The following METTL24 variants were observed in gnomAD, a reference collection of about 807,000 sequenced individuals.
The protein encoded by METTL24 is probable methyltransferase-like protein 24.
Under a neutral mutation model 32.7 loss-of-function variants are expected in METTL24, and 29 were observed. That is an observed-to-expected ratio of 0.89 (90% confidence interval 0.66 to 1.21). METTL24 has a LOEUF of 1.21. METTL24 is among the 50% of genes most tolerant of loss of function. The probability of loss-of-function intolerance (pLI) is 0.00; values close to 1 mark genes in which losing one functional copy is unlikely to be tolerated. For synonymous variants in METTL24, 163 were observed against 179.5 expected, an observed-to-expected ratio of 0.91 and a Z score of 0.73; for missense variants, 439 against 468.1, an observed-to-expected ratio of 0.94 and a Z score of 0.57.
chr6:110,335,573 T>G (rs963515835), intron 1 of METTL24, among the ~76,000 whole-genome samples: 10 of 88,800 alleles, frequency 1.1e-4, no homozygotes, highest in African/African-American at 4.1e-4. Flanking sequence ...ATTGTTTTTT[T>G]TTTTTTTTTT....
intron 3 of METTL24, among the ~76,000 whole-genome samples, chr6:110,305,038 A>G (rs1471350981): frequency 6.6e-6 from 1 of 152,208 alleles, no homozygotes; most frequent in Non-Finnish European, 1.5e-5. Context: ...TTTAACCCAG[A>G]ATTTCATGTC....
At position 110,248,497 on chromosome 6, in the gene METTL24, T is replaced by C. The variant is rs1024407456; in HGVS notation, c.787-2237A>G. Among the ~76,000 whole-genome samples the C allele has an allele frequency of 2.0e-5, 3 of 152,298 alleles. No homozygotes were observed. In the East Asian group the frequency reaches 5.8e-4, roughly 29 times the overall value. On this transcript the variant is annotated intron_variant, in intron 4 of 4. Coordinates refer to ENST00000338882, the MANE Select transcript of METTL24 (RefSeq NM_001123364.3). Reference sequence around the variant, plus strand: ...TGAGTGCCTTAGGAAAGCCTGGGTGTCTGTAAACCAGTTTGTCCGTTCAAT... The same window carrying C: ...TGAGTGCCTTAGGAAAGCCTGGGTGCCTGTAAACCAGTTTGTCCGTTCAAT...
At chr6:110,256,846 C>T (rs1778394332) in intron 4 of METTL24, among the ~76,000 whole-genome samples, 1 of 152,174 alleles carries the variant, frequency 6.6e-6, no homozygotes, top group African/African-American at 2.4e-5. Context: ...CCACTAAAAC[C>T]TTTCTGCCCA....
intron 4 of METTL24, among the ~76,000 whole-genome samples, chr6:110,278,174 G>A (rs984047453): frequency 2.0e-5 from 3 of 152,150 alleles, no homozygotes; most frequent in Non-Finnish European, 4.4e-5. Context: ...CAGGCATGCT[G>A]AGTCTTTCAT....
intron 4 of METTL24, among the ~76,000 whole-genome samples, chr6:110,284,629 T>C (rs1312382729): frequency 1.3e-5 from 2 of 152,152 alleles, no homozygotes; most frequent in Non-Finnish European, 2.9e-5. Flanking sequence ...AGGTTTCTTA[T>C]TATGGTTGAA....
intron 4 of METTL24, chr6:110,253,828 G>T: frequency 2.3e-6 from 3 of 1,299,450 alleles, no homozygotes; most frequent in Non-Finnish European, 2.0e-6. Flanking sequence ...TAACATAACA[G>T]ACTATGAATA....
At chr6:110,313,309 T>C (rs1400822549) in intron 3 of METTL24, among the ~76,000 whole-genome samples, 1 of 152,234 alleles carries the variant, frequency 6.6e-6, no homozygotes, top group Non-Finnish European at 1.5e-5. Flanking sequence ...TTACTATGCA[T>C]GCTACGCATG....
intron 2 of METTL24, among the ~76,000 whole-genome samples, chr6:110,321,974 C>T (rs1480326460): frequency 6.6e-6 from 1 of 152,186 alleles, no homozygotes; most frequent in Admixed American, 6.5e-5. Context: ...CCTGAGTGGG[C>T]CTCTGTGCAG....
chr6:110,347,676 A>C (rs1313222600), intron 1 of METTL24, among the ~76,000 whole-genome samples: 1 of 152,218 alleles, frequency 6.6e-6, no homozygotes, highest in Non-Finnish European at 1.5e-5. Context: ...ATTTGTAAAC[A>C]TTCTTTTGAG....
At chr6:110,286,768 G>A (rs981371392) in intron 4 of METTL24, among the ~76,000 whole-genome samples, 1 of 152,208 alleles carries the variant, frequency 6.6e-6, no homozygotes, top group African/African-American at 2.4e-5. Flanking sequence ...GGCTGGGAAA[G>A]GCAGACCCAC....
At chr6:110,341,997 G>T (rs553449124) in intron 1 of METTL24, among the ~76,000 whole-genome samples, 2 of 152,210 alleles carry the variant, frequency 1.3e-5, no homozygotes, top group African/African-American at 2.4e-5. Flanking sequence ...ACAGTCATCT[G>T]AGTGAGAATG....
At chr6:110,337,447 C>T (rs1399497917) in intron 1 of METTL24, among the ~76,000 whole-genome samples, 2 of 152,070 alleles carry the variant, frequency 1.3e-5, no homozygotes, top group African/African-American at 4.8e-5. Flanking sequence ...AAAGAGTGCA[C>T]AGAATAATAA....
At chr6:110,303,036 C>T (rs1181646673) in intron 3 of METTL24, among the ~76,000 whole-genome samples, 2 of 152,066 alleles carry the variant, frequency 1.3e-5, no homozygotes, top group Middle Eastern at 3.2e-3. Flanking sequence ...GGTGGGGCGT[C>T]GCTTCACCCA....
intron 4 of METTL24, among the ~76,000 whole-genome samples, chr6:110,262,936 C>T (rs1340356991): frequency 6.6e-6 from 1 of 152,144 alleles, no homozygotes; most frequent in Non-Finnish European, 1.5e-5. Flanking sequence ...ATGCTAAAAA[C>T]TCTCAATAAA....
chr6:110,281,801 A>G (rs996461475), intron 4 of METTL24, among the ~76,000 whole-genome samples: 3 of 152,158 alleles, frequency 2.0e-5, no homozygotes, highest in Non-Finnish European at 4.4e-5. Flanking sequence ...TATGTCCCCA[A>G]AAGCAGTCAA....
intron 1 of METTL24, among the ~76,000 whole-genome samples, chr6:110,323,974 C>T (rs1771976369): frequency 6.6e-6 from 1 of 152,124 alleles, no homozygotes; most frequent in African/African-American, 2.4e-5. Context: ...TGGGAACTCT[C>T]AGCACCCAAG....
intron 4 of METTL24, among the ~76,000 whole-genome samples, chr6:110,261,116 A>C (rs1156237696): frequency 3.9e-5 from 6 of 152,226 alleles, no homozygotes; most frequent in Non-Finnish European, 8.8e-5. Flanking sequence ...ACAAATAACA[A>C]TATTAACCTT....
At chr6:110,335,587 T>G (rs1354323406) in intron 1 of METTL24, among the ~76,000 whole-genome samples, 13 of 144,684 alleles carry the variant, frequency 9.0e-5, no homozygotes, top group Admixed American at 8.2e-4. Flanking sequence ...TTTTTTTTTT[T>G]TTTTTTTATG....
intron 4 of METTL24, among the ~76,000 whole-genome samples, chr6:110,280,132 A>G (rs1454466834): frequency 6.6e-6 from 1 of 152,172 alleles, no homozygotes; most frequent in African/African-American, 2.4e-5. Flanking sequence ...CACATGAGCC[A>G]ATTACCTTCT....
Sources: gnomAD v4.1 joint callset for allele counts (sites outside exome capture counted in the v4.1 genomes callset) on GRCh38, gnomAD v4.1.1 for gene constraint, MANE v1.5 for transcripts, NCBI Gene and HGNC (gene_info 2026-07-23, HGNC 2026-07-21) for gene names.